Variants in TPO observed in about 807,000 individuals in gnomAD.
The protein encoded by TPO is thyroid peroxidase.
A neutral mutation model predicts 96.9 loss-of-function variants in TPO; 78 were observed. The ratio of observed to expected loss-of-function variants is 0.81; its 90% CI spans 0.67 to 0.97. TPO has a LOEUF of 0.97. TPO is among the 50% of genes least tolerant of loss of function. TPO has a pLI of 0.00. For synonymous variants in TPO, 547 were observed against 538.0 expected, an observed-to-expected ratio of 1.02 and a Z score of -0.23; for missense variants, 1,252 against 1,274.8, an observed-to-expected ratio of 0.98 and a Z score of 0.27.
chr2:1,492,349 T>A (rs1179959590), intron 10 of TPO, among the ~76,000 whole-genome samples: 1 of 152,106 alleles, frequency 6.6e-6, no homozygotes, highest in African/African-American at 2.4e-5. Flanking sequence ...GAGATGGAGT[T>A]TCACCATGTT....
In TPO at chr2:1,436,390, G is replaced by T. The variant is rs776798689; in HGVS notation, c.482+6G>T. The T allele has an allele frequency of 6.2e-7, 1 of 1,614,044 alleles. No individual in the cohort carries two copies. The highest frequency in any genetic ancestry group is 1.3e-5 in the African/African-American group (1 of 74,920). ...ACAGGAGCTTGCAACAACAGGTATT[G>T]TTTGTGGATTTTCTTAATCTTCTCG... On this transcript the variant is annotated splice_donor_region_variant and intron_variant, in intron 5 of 16. Coordinates refer to ENST00000329066, the MANE Select transcript of TPO (RefSeq NM_001206744.2).
intron 14 of TPO, among the ~76,000 whole-genome samples, chr2:1,509,144 T>C (rs1361234337): frequency 2.0e-5 from 3 of 152,208 alleles, no homozygotes; most frequent in South Asian, 2.1e-4. Context: ...TTGTTATGTA[T>C]CCAGTAGTCA....
At chr2:1,393,192 C>G (rs907906334) in intron 1 of TPO, among the ~76,000 whole-genome samples, 1 of 152,188 alleles carries the variant, frequency 6.6e-6, no homozygotes, top group African/African-American at 2.4e-5. Context: ...CGAGGCGTCT[C>G]ACAAGGTGGG....
chr2:1,445,760 ATGGGGTAGG>A lies in TPO; in HGVS notation c.483-7933_483-7925del, dbSNP rs2148546867. Among the ~76,000 whole-genome samples the A allele has an allele frequency of 3.6e-5, 3 of 84,132 alleles. No homozygotes were observed. In the East Asian group the frequency reaches 9.4e-4, roughly 26 times the overall value. The allele number at this position is 84,132 out of a possible 152,430, so 55.2% of individuals were successfully genotyped here. A position where few individuals can be genotyped will look rare whatever the true frequency, so the allele number is the denominator to read the frequency against. ...GCAGGAGGTACCATGTTGGAAGGGA[ATGGGGTAGG>A]CTCCTTCTTGTTTGTATGAACCACT... On this transcript the variant is annotated intron_variant, in intron 5 of 16. Transcript: ENST00000329066.
At chr2:1,523,542 C>G (rs1675684164) in intron 15 of TPO, among the ~76,000 whole-genome samples, 1 of 126,272 alleles carries the variant, frequency 7.9e-6, no homozygotes, top group Non-Finnish European at 1.6e-5. Context: ...CCACTCTGAG[C>G]AACCTCCCCA....
At chr2:1,498,466 G>A (rs1672570167) in intron 13 of TPO, among the ~76,000 whole-genome samples, 1 of 152,234 alleles carries the variant, frequency 6.6e-6, no homozygotes. Context: ...GGCATGGATA[G>A]GGCAGAGGCC....
At chr2:1,480,134 GTTC>G (rs1322070620) in intron 8 of TPO, among the ~76,000 whole-genome samples, 1 of 152,144 alleles carries the variant, frequency 6.6e-6, no homozygotes, top group Non-Finnish European at 1.5e-5. Context: ...TAGGAAAAGT[GTTC>G]TTCTCTGTTT....
chr2:1,383,174 C>T (rs1450988255), intron 1 of TPO, among the ~76,000 whole-genome samples: 5 of 151,966 alleles, frequency 3.3e-5, no homozygotes, highest in African/African-American at 7.3e-5. Flanking sequence ...TGAGTAGTGC[C>T]GCAATAAACA....
At chr2:1,471,966 G>T (rs1669464950) in intron 7 of TPO, among the ~76,000 whole-genome samples, 2 of 149,006 alleles carry the variant, frequency 1.3e-5, no homozygotes, top group South Asian at 4.3e-4. Flanking sequence ...CCCTTCCCAT[G>T]ATCTGAATGT....
intron 14 of TPO, among the ~76,000 whole-genome samples, chr2:1,516,188 G>A (rs1467948147): frequency 6.6e-6 from 1 of 152,186 alleles, no homozygotes; most frequent in Non-Finnish European, 1.5e-5. Context: ...CCCCTCACCA[G>A]ATGCTCTGGG....
intron 5 of TPO, among the ~76,000 whole-genome samples, chr2:1,444,396 C>T (rs1201363277): frequency 6.7e-6 from 1 of 149,072 alleles, no homozygotes; most frequent in African/African-American, 2.5e-5. Context: ...TTTGTATGAT[C>T]CAGTCATTGC....
upstream of TPO, among the ~76,000 whole-genome samples, chr2:1,408,514 C>T (rs1662279113): frequency 2.0e-5 from 3 of 152,084 alleles, no homozygotes; most frequent in Non-Finnish European, 2.9e-5. Flanking sequence ...AATTAGAGTA[C>T]GGAGTTTTAC....
At position 1,493,525 on chromosome 2, in the gene TPO, T is replaced by C. The variant is rs9679416; in HGVS notation, c.1769-277T>C. On this transcript the variant is annotated intron_variant, in intron 10 of 16. Transcript: ENST00000329066. ...GGAATATCCTAGCCTGGCAAACTGCTGGGCAGTGTCACAGGGTGGGACAGG... is the reference window on the plus strand; with the variant it reads ...GGAATATCCTAGCCTGGCAAACTGCCGGGCAGTGTCACAGGGTGGGACAGG... Among the ~76,000 whole-genome samples the C allele has an allele frequency of 0.038, 2,742 of 71,356 alleles. 182 individuals are homozygous for C. Among genetic ancestry groups the C allele is most frequent in the African/African-American group, 0.12 (2,317 of 18,920 alleles). 46.8% of individuals were successfully genotyped at this position (71,356 alleles called of 152,430 possible).
chr2:1,454,427 G>C (rs1436182976), intron 6 of TPO, among the ~76,000 whole-genome samples: 2 of 152,204 alleles, frequency 1.3e-5, no homozygotes, highest in Admixed American at 1.3e-4. Flanking sequence ...GTCTGACTCA[G>C]ACCAGCTGTG....
Position 1,516,883 on chromosome 2 carries a change from A to C in TPO, c.2519A>C (p.Asp840Ala). The part of the protein sequence containing the change: ...ELGDDGRTCV[D>A]SGRLPRVTWI... ...AACCAGGCCTCTTTCTGTGCCCCAG[A>C]CTCCGGGAGGCTCCCTCGGGTGACT... The change falls in exon 15 of 17, where the codon GAC becomes GCC. Residue 840 changes from aspartate (D) to alanine (A), a missense_variant and splice_region_variant. Coordinates refer to ENST00000329066, the MANE Select transcript of TPO (RefSeq NM_001206744.2). The C allele has an allele frequency of 3.1e-6, 5 of 1,613,426 alleles. No homozygotes were observed. The highest frequency in any genetic ancestry group is 4.2e-6 in the Non-Finnish European group (5 of 1,179,952).
rs751569684 is a variant in TPO, at chr2:1,389,272, C to T, written n.180+14870C>T. 1.8e-4 allele frequency among the ~76,000 whole-genome samples: 27 copies of T among 152,194 alleles called. No homozygotes were observed. The South Asian group carries it at 2.1e-3, about 12-fold the overall frequency. Reference sequence around the variant, plus strand: ...TGAGGAGCCCATTGCCAGTTCTTGTCGTGGCCAAGTCTAGTGAGATCTGGT... The same window carrying T: ...TGAGGAGCCCATTGCCAGTTCTTGTTGTGGCCAAGTCTAGTGAGATCTGGT... On this transcript the variant is annotated intron_variant and non_coding_transcript_variant, in intron 1 of 5. Transcript: ENST00000497517.
intron 15 of TPO, among the ~76,000 whole-genome samples, chr2:1,527,344 C>G (rs376654141): frequency 7.0e-6 from 1 of 142,304 alleles, no homozygotes; most frequent in Admixed American, 7.0e-5. Context: ...AAAATACCCC[C>G]CGTGAGCAAC....
chr2:1,442,070 C>T lies in TPO; in HGVS notation c.482+5686C>T, dbSNP rs188839087. 5.3e-5 allele frequency among the ~76,000 whole-genome samples: 8 copies of T among 152,312 alleles called. No homozygotes were observed. The East Asian group carries it at 1.4e-3, about 26-fold the overall frequency. ...TCCCCTGCACAAGCTCTCTTTCTGC[C>T]TGCCGCCATCCATGTAAGACATGAC... On this transcript the variant is annotated intron_variant, in intron 5 of 16. Coordinates refer to ENST00000329066, the MANE Select transcript of TPO (RefSeq NM_001206744.2).
intron 1 of TPO, among the ~76,000 whole-genome samples, chr2:1,382,345 T>C (rs546153846): frequency 6.6e-6 from 1 of 152,238 alleles, no homozygotes; most frequent in African/African-American, 2.4e-5. Flanking sequence ...AGCTTCCTCC[T>C]TGAAGGGTCA....
Sources: allele counts gnomAD v4.1 joint callset (sites outside exome capture counted in the v4.1 genomes callset), GRCh38; gene constraint gnomAD v4.1.1; transcripts MANE v1.5; gene names NCBI Gene and HGNC (gene_info 2026-07-23, HGNC 2026-07-21).